GALNT18: variants seen among roughly 807,000 people sequenced by gnomAD.
GALNT18 encodes polypeptide N-acetylgalactosaminyltransferase 18, also known as GalNAc-transferase 18.
GALNT18 carries 44 observed loss-of-function variants against 69.5 expected under a neutral mutation model. That is an observed-to-expected ratio of 0.63 (90% CI 0.50 to 0.81). The LOEUF is 0.81. GALNT18 is among the 40% of genes least tolerant of loss of function. The pLI is 0.00. For missense variants in GALNT18, 715 were observed against 810.0 expected (o/e 0.88, Z 1.42); for synonymous variants, 364 against 318.2 (o/e 1.14, Z -1.53).
rs1043498948 is a variant in GALNT18 at position 11,617,875 on chromosome 11, G to A, written c.235+3484C>T. Among the ~76,000 whole-genome samples the A allele has an allele frequency of 6.6e-5, 10 of 152,124 alleles. No individual in the cohort carries two copies. Among genetic ancestry groups the A allele is most frequent in the Non-Finnish European group, 1.5e-4 (10 of 68,020 alleles). On this transcript the variant is annotated intron_variant, in intron 1 of 10. Coordinates refer to ENST00000227756, the MANE Select transcript of GALNT18 (RefSeq NM_198516.3). This position sits in a 1 kb window ranked among gnomAD's most constrained non-coding sequence, Gnocchi z 4.7. ...GATCTTTCTACTCCTAAGATGGAGAGAACCTGACCCTTACTAACATTTACT... is the reference window on the plus strand; with the variant it reads ...GATCTTTCTACTCCTAAGATGGAGAAAACCTGACCCTTACTAACATTTACT...
chr11:11,523,522 A>T lies in GALNT18; in HGVS notation c.236-74586T>A, dbSNP rs1564993023. Among the ~76,000 whole-genome samples the T allele has an allele frequency of 6.6e-6, 1 of 151,982 alleles. No individual in the cohort carries two copies. Among genetic ancestry groups the T allele is most frequent in the Non-Finnish European group, 1.5e-5 (1 of 67,984 alleles). On this transcript the variant is annotated intron_variant, in intron 1 of 10. Coordinates refer to ENST00000227756, the MANE Select transcript of GALNT18 (RefSeq NM_198516.3). The surrounding 1 kb of genome is among the most constrained non-coding windows in gnomAD (Gnocchi z 4.3). Reference sequence around the variant, plus strand: ...ATCATGAGGTCAGGAGATCGAGACCATCTTGGCTAACACAGTGAAACCCCG... The same window carrying T: ...ATCATGAGGTCAGGAGATCGAGACCTTCTTGGCTAACACAGTGAAACCCCG...
intron 3 of GALNT18, among the ~76,000 whole-genome samples, chr11:11,417,960 A>T (rs1854903279): frequency 1.3e-5 from 2 of 152,238 alleles, no homozygotes; most frequent in African/African-American, 4.8e-5. Flanking sequence ...AGCTAAAACA[A>T]ATAGCTCTTG....
intron 3 of GALNT18, among the ~76,000 whole-genome samples, chr11:11,410,201 C>T (rs1326219388): frequency 6.6e-6 from 1 of 152,146 alleles, no homozygotes; most frequent in Admixed American, 6.5e-5. Flanking sequence ...TCTCTCCCTT[C>T]AGGCCTGGAG....
At position 11,505,704 on chromosome 11, in the gene GALNT18, C is replaced by T. The variant is rs1392428328; in HGVS notation, c.236-56768G>A. Among the ~76,000 whole-genome samples, 4 of 152,230 alleles carry T rather than the reference C, an allele frequency of 2.6e-5. No individual in the cohort carries two copies. The highest frequency in any genetic ancestry group is 4.4e-5 in the Non-Finnish European group (3 of 68,048). The stretch of plus-strand genomic sequence containing the variant: ...CCCCATTCTGATTTAATACCACACT[C>T]GCTTCCTCCTGCAAACTCTTGCTGC... On this transcript the variant is annotated intron_variant, in intron 1 of 10. Transcript: ENST00000227756. The surrounding 1 kb of genome is among the most constrained non-coding windows in gnomAD (Gnocchi z 4.6).
chr11:11,312,288 C>T (rs1332731010), intron 9 of GALNT18, among the ~76,000 whole-genome samples: 1 of 152,222 alleles, frequency 6.6e-6, no homozygotes, highest in African/African-American at 2.4e-5. Flanking sequence ...TAACTGCTAA[C>T]AGCCTACTGT....
At chr11:11,381,685 T>C (rs4533032) in intron 3 of GALNT18, among the ~76,000 whole-genome samples, 119,922 of 152,044 alleles carry the variant, frequency 0.79, 47,851 homozygotes, top group Middle Eastern at 0.93. Flanking sequence ...AGGCAGCCTC[T>C]TCCCCAGCCC....
intron 1 of GALNT18, among the ~76,000 whole-genome samples, chr11:11,495,666 T>C (rs1040048805): frequency 6.6e-6 from 1 of 152,146 alleles, no homozygotes; most frequent in Non-Finnish European, 1.5e-5. Context: ...AGAAGACCAG[T>C]GCCCAAAAGC....
chr11:11,422,774 C>T (rs7110777), intron 3 of GALNT18, among the ~76,000 whole-genome samples: 1 of 151,976 alleles, frequency 6.6e-6, no homozygotes, highest in Non-Finnish European at 1.5e-5. Context: ...AATGGGGGTT[C>T]TGCAGGGGGT....
chr11:11,487,825 T>C (rs1856675617), intron 1 of GALNT18, among the ~76,000 whole-genome samples: 1 of 152,218 alleles, frequency 6.6e-6, no homozygotes, highest in Non-Finnish European at 1.5e-5. Flanking sequence ...CTGAGCTCAC[T>C]TTTCTGATGG....
chr11:11,326,137 C>T (rs558526262), intron 9 of GALNT18, among the ~76,000 whole-genome samples: 142 of 151,230 alleles, frequency 9.4e-4, no homozygotes, highest in African/African-American at 2.8e-3. Flanking sequence ...CTCTGCCTCC[C>T]GGGTTCACGC....
rs9888138 is a variant in GALNT18, at chr11:11,341,758, A to C, written c.1093-754T>G. Among the ~76,000 whole-genome samples the C allele has an allele frequency of 0.58, 88,145 of 151,916 alleles. 26,222 individuals are homozygous for C. Among genetic ancestry groups the C allele is most frequent in the East Asian group, 0.89 (4,578 of 5,150 alleles). Reference sequence around the variant, plus strand: ...CTTTTGTGCTTCTAGGCTTTGCTCCATTCTGCTGGTAATTTTAGAATGCCC... The same window carrying C: ...CTTTTGTGCTTCTAGGCTTTGCTCCCTTCTGCTGGTAATTTTAGAATGCCC... On this transcript the variant is annotated intron_variant, in intron 6 of 10. Transcript: ENST00000227756. This position sits in a 1 kb window ranked among gnomAD's most constrained non-coding sequence, Gnocchi z 6.3.
At chr11:11,462,614 C>T (rs1421971011) in intron 1 of GALNT18, among the ~76,000 whole-genome samples, 1 of 152,042 alleles carries the variant, frequency 6.6e-6, no homozygotes, top group African/African-American at 2.4e-5. Flanking sequence ...TTAGGCTGCC[C>T]TTTTCTCATC....
chr11:11,498,656 G>A (rs566825242), intron 1 of GALNT18, among the ~76,000 whole-genome samples: 19 of 152,302 alleles, frequency 1.2e-4, no homozygotes, highest in Admixed American at 7.8e-4. Context: ...AAAATCAGCC[G>A]GGCATGGTGC....
rs1180467063 is a variant in GALNT18 at position 11,382,437 on chromosome 11, A to T, written c.596-3173T>A. Among the ~76,000 whole-genome samples, 1 of 152,218 alleles carries T rather than the reference A, an allele frequency of 6.6e-6. No individual in the cohort carries two copies. Among genetic ancestry groups the T allele is most frequent in the African/African-American group, 2.4e-5 (1 of 41,460 alleles). On this transcript the variant is annotated intron_variant, in intron 3 of 10. Transcript: ENST00000227756. This position sits in a 1 kb window ranked among gnomAD's most constrained non-coding sequence, Gnocchi z 4.3. The stretch of plus-strand genomic sequence containing the variant: ...AAACACTGTCCATTGTATATTATAT[A>T]TATTGACTATTAACTATTTTATATA...
chr11:11,526,003 G>A (rs931272022), intron 1 of GALNT18, among the ~76,000 whole-genome samples: 6 of 152,226 alleles, frequency 3.9e-5, no homozygotes, highest in East Asian at 1.9e-4. Context: ...TGGAAGACAC[G>A]GAAGAAACTT....
At chr11:11,522,424 G>A (rs10831626) in intron 1 of GALNT18, among the ~76,000 whole-genome samples, 57,855 of 152,032 alleles carry the variant, frequency 0.38, 11,593 homozygotes, top group East Asian at 0.73. Context: ...GAGGGGATGA[G>A]AGTGTCCCTT....
rs59816464 is a variant in GALNT18, at chr11:11,341,037, T to C, written c.1093-33A>G. ...AGACATGGAGCCACTTGTCAGAGCC[T>C]GCCTGGCTCTGCCTTTCTACACCAG... On this transcript the variant is annotated intron_variant, in intron 6 of 10. Transcript: ENST00000227756. The surrounding 1 kb of genome is among the most constrained non-coding windows in gnomAD (Gnocchi z 6.3). The C allele has an allele frequency of 4.9e-4, 758 of 1,547,224 alleles. 6 individuals are homozygous for C. In the African/African-American group the frequency reaches 9.8e-3, roughly 20 times the overall value.
chr11:11,394,789 G>A (rs770695469), intron 3 of GALNT18, among the ~76,000 whole-genome samples: 2 of 152,174 alleles, frequency 1.3e-5, no homozygotes, highest in Non-Finnish European at 2.9e-5. Context: ...CCTCTGCCCT[G>A]ATTCTTGATC....
In GALNT18 at chr11:11,616,972, A is replaced by G. The variant is rs187881708; in HGVS notation, c.235+4387T>C. Among the ~76,000 whole-genome samples the G allele has an allele frequency of 1.3e-4, 20 of 152,368 alleles. No homozygotes were observed. The highest frequency in any genetic ancestry group is 5.9e-4 in the Admixed American group (9 of 15,304). ...CATGTGAGCAAAATCATTGCAAAAG[A>G]TCAGACAAAAATCGTAACAATTTAG... is the stretch of plus-strand genomic sequence containing the variant. On this transcript the variant is annotated intron_variant, in intron 1 of 10. Coordinates refer to ENST00000227756, the MANE Select transcript of GALNT18 (RefSeq NM_198516.3). The surrounding 1 kb of genome is among the most constrained non-coding windows in gnomAD (Gnocchi z 4.4).
Sources: gnomAD v4.1 joint callset for allele counts (sites outside exome capture counted in the v4.1 genomes callset) on GRCh38, gnomAD v4.1.1 for gene constraint, Gnocchi (gnomAD v3.1) non-coding constraint, MANE v1.5 for transcripts, NCBI Gene and HGNC (gene_info 2026-07-23, HGNC 2026-07-21) for gene names.